Variants in KDSR observed in about 807,000 individuals in gnomAD.
KDSR encodes 3-ketodihydrosphingosine reductase.
Under a neutral mutation model 41.3 loss-of-function variants are expected in KDSR, and 23 were observed. The observed-to-expected ratio is 0.56, with a 90% CI of 0.40 to 0.79. KDSR has a LOEUF of 0.79. KDSR is among the 30% of genes least tolerant of loss of function. KDSR has a pLI of 0.00. For synonymous variants in KDSR, 138 were observed against 151.7 expected, an observed-to-expected ratio of 0.91 and a Z score of 0.66; for missense variants, 351 against 416.8, an observed-to-expected ratio of 0.84 and a Z score of 1.37.
At chr18:63,347,563 C>T in intron 6 of KDSR, among the ~76,000 whole-genome samples, 1 of 150,786 alleles carries the variant, frequency 6.6e-6, no homozygotes, top group East Asian at 1.9e-4. Context: ...ATGTGCTGTT[C>T]CCTATTCCAT....
rs1380043631 is a variant in KDSR at position 63,329,762 on chromosome 18, C to A, written c.*2020G>T. The A allele has an allele frequency of 5.1e-6, 1 of 194,210 alleles. No individual in the cohort carries two copies. Among genetic ancestry groups the A allele is most frequent in the African/African-American group, 2.3e-5 (1 of 43,088 alleles). The allele number at this position is 194,210 out of a possible 1,614,324, so 12.0% of individuals were successfully genotyped here. Reference sequence around the variant, plus strand: ...TTATTAAATCAGACACTTTCTTGGACTAGATTCTAATATAGATCAGCAGTA... The same window carrying A: ...TTATTAAATCAGACACTTTCTTGGAATAGATTCTAATATAGATCAGCAGTA... On this transcript the variant is annotated 3_prime_UTR_variant, in exon 10 of 10. Coordinates refer to ENST00000645214, the MANE Select transcript of KDSR (RefSeq NM_002035.4).
At chr18:63,358,027 T>C (rs888875091) in intron 3 of KDSR, among the ~76,000 whole-genome samples, 1 of 151,906 alleles carries the variant, frequency 6.6e-6, no homozygotes, top group Non-Finnish European at 1.5e-5. Flanking sequence ...AATACAAAAA[T>C]TAGCTGGGCG....
Position 63,367,047 on chromosome 18 carries a change from G to T in KDSR, c.72C>A (p.Ser24Arg), listed in dbSNP as rs1915160565. The T allele has an allele frequency of 2.3e-6, 3 of 1,327,026 alleles. No individual in the cohort carries two copies. The highest frequency in any genetic ancestry group is 3.0e-5 in the African/African-American group (2 of 66,528). 82.2% of individuals were successfully genotyped at this position (1,327,026 alleles called of 1,614,324 possible). The change falls in exon 1 of 10, where the codon AGC (serine) becomes AGA (arginine). Residue 24 changes from serine to arginine, a missense_variant. Transcript: ENST00000645214. ...CCCCGGGCAGGGCGAGGGGCTTGGG[G>T]CTGATGAGCGGAGACACCATGTACA... ...LLLYMVSPLI[S>R]PKPLALPGAH...
chr18:63,344,263 G>A (rs1914432130), intron 7 of KDSR, 147 bp downstream of exon 7: 1 of 552,942 alleles, frequency 1.8e-6, no homozygotes, highest in Non-Finnish European at 3.3e-6. Flanking sequence ...TTTGCCTGGA[G>A]AATCTCAAGG....
intron 6 of KDSR, 135 bp downstream of exon 6, chr18:63,350,753 A>G: frequency 1.5e-6 from 1 of 686,536 alleles, no homozygotes; most frequent in Non-Finnish European, 2.4e-6. Flanking sequence ...GGTTGAGCCA[A>G]TTCTCTTTCA....
intron 3 of KDSR, among the ~76,000 whole-genome samples, chr18:63,356,257 G>A (rs1443105799): frequency 6.6e-6 from 1 of 152,062 alleles, no homozygotes; most frequent in Non-Finnish European, 1.5e-5. Flanking sequence ...AAATTAGCCT[G>A]GCGTGGTGGT....
At chr18:63,357,576 A>G (rs1205713977) in intron 3 of KDSR, among the ~76,000 whole-genome samples, 1 of 58,150 alleles carries the variant, frequency 1.7e-5, no homozygotes, top group Non-Finnish European at 3.5e-5. Context: ...ACATACATAT[A>G]TATATATATA....
chr18:63,334,770 G>A (rs1201338680), intron 9 of KDSR, among the ~76,000 whole-genome samples: 1 of 152,192 alleles, frequency 6.6e-6, no homozygotes, highest in Non-Finnish European at 1.5e-5. Flanking sequence ...GAAACACTGT[G>A]TATCTTGGAC....
chr18:63,366,946 G>A, intron 1 of KDSR, 65 bp downstream of exon 1: 2 of 859,660 alleles, frequency 2.3e-6, no homozygotes, highest in Non-Finnish European at 3.2e-6. Context: ...TAGGCTACGC[G>A]GCCTCGGCGG....
chr18:63,336,265 A>C (rs1914153951), intron 8 of KDSR, among the ~76,000 whole-genome samples: 1 of 152,310 alleles, frequency 6.6e-6, no homozygotes, highest in African/African-American at 2.4e-5. Flanking sequence ...CCTGAGCTCA[A>C]GCAATCCAGC....
chr18:63,333,278 G>A (rs1287362646), intron 9 of KDSR, among the ~76,000 whole-genome samples: 1 of 152,066 alleles, frequency 6.6e-6, no homozygotes, highest in African/African-American at 2.4e-5. Flanking sequence ...TAGAGACAGG[G>A]TCTCACTATG....
chr18:63,352,718 G>C (rs73468707), intron 5 of KDSR, among the ~76,000 whole-genome samples: 1,889 of 152,262 alleles, frequency 0.012, 41 homozygotes, highest in African/African-American at 0.043. Flanking sequence ...TATATATGCT[G>C]TAACTGTAAT....
Position 63,330,355 on chromosome 18 carries a change from G to A in KDSR, c.*1427C>T. 1 of 226,368 alleles carries A rather than the reference G, an allele frequency of 4.4e-6. No homozygotes were observed. The highest frequency in any genetic ancestry group is 8.8e-6 in the Non-Finnish European group (1 of 113,766). The allele number at this position is 226,368 out of a possible 1,614,324, so 14.0% of individuals were successfully genotyped here. A position where few individuals can be genotyped will look rare whatever the true frequency, so the allele number is the denominator to read the frequency against. On this transcript the variant is annotated 3_prime_UTR_variant, in exon 10 of 10. Coordinates refer to ENST00000645214, the MANE Select transcript of KDSR (RefSeq NM_002035.4). ...AGACAGGTTACAAGATCAAGGTGAA[G>A]GCAGCTCTCCTCAAGTCAGAGGAGT...
chr18:63,344,391 G>C lies in KDSR; in HGVS notation c.693+19C>G. Reference sequence around the variant, plus strand: ...CAGTAAACATTAGAGGTTCAAATTGGGACATGTAGGATACTGACCTTTGTT... The same window carrying C: ...CAGTAAACATTAGAGGTTCAAATTGCGACATGTAGGATACTGACCTTTGTT... On this transcript the variant is annotated intron_variant, in intron 7 of 9. Transcript: ENST00000645214. The C allele has an allele frequency of 6.4e-7, 1 of 1,565,142 alleles. No individual in the cohort carries two copies. Among genetic ancestry groups the C allele is most frequent in the Non-Finnish European group, 8.8e-7 (1 of 1,135,840 alleles).
intron 7 of KDSR, among the ~76,000 whole-genome samples, chr18:63,341,697 G>A (rs1385335609): frequency 6.6e-6 from 1 of 152,092 alleles, no homozygotes; most frequent in Non-Finnish European, 1.5e-5. Flanking sequence ...ATTAAATAAG[G>A]ATAAAAAGGG....
chr18:63,365,905 T>C (rs1051345868), intron 1 of KDSR: 2 of 152,216 alleles, frequency 1.3e-5, no homozygotes, highest in Admixed American at 1.3e-4. Context: ...ATTAAACAGA[T>C]ACATTTTCTC....
chr18:63,359,178 C>CAA (rs74169959), intron 3 of KDSR, among the ~76,000 whole-genome samples: 6,108 of 36,136 alleles, frequency 0.17, 469 homozygotes, highest in East Asian at 0.46. Context: ...GACACTGCCT[C>CAA]AAAAAAAAAA....
At position 63,344,413 on chromosome 18, in the gene KDSR, T is replaced by C; in HGVS notation, c.690A>G (p.Thr230=). Reference sequence around the variant, plus strand: ...TTGGGACATGTAGGATACTGACCTTTGTTCTGTTTTCTTCGGCAAAGCCAG... The same window carrying C: ...TTGGGACATGTAGGATACTGACCTTCGTTCTGTTTTCTTCGGCAAAGCCAG... ...DTPGFAEENR[T]KPLETRLISE... is the part of the protein sequence containing the mutation. Residue 230 remains threonine, a synonymous_variant, in exon 7 of 10, where the codon ACA becomes ACG. Transcript: ENST00000645214. 2 of 1,611,426 alleles carry C rather than the reference T, an allele frequency of 1.2e-6. No homozygotes were observed. Among genetic ancestry groups the C allele is most frequent in the Non-Finnish European group, 1.7e-6 (2 of 1,177,524 alleles).
chr18:63,349,786 GT>G (rs1292434374), intron 6 of KDSR, among the ~76,000 whole-genome samples: 2 of 152,226 alleles, frequency 1.3e-5, no homozygotes, highest in African/African-American at 4.8e-5. Flanking sequence ...CCCTCTGCCT[GT>G]TTTTTATAAG....
Sources: allele counts gnomAD v4.1 joint callset (sites outside exome capture counted in the v4.1 genomes callset), GRCh38; gene constraint gnomAD v4.1.1; transcripts MANE v1.5; gene names NCBI Gene and HGNC (gene_info 2026-07-23, HGNC 2026-07-21).